PRIMPOL: variants seen among roughly 807,000 people sequenced by gnomAD.
The protein encoded by PRIMPOL is primase and DNA directed polymerase.
In PRIMPOL, 54 loss-of-function variants were observed where a neutral mutation model predicts 63.6. That is an observed-to-expected ratio of 0.85 (90% confidence interval 0.68 to 1.07). The LOEUF is 1.07. Among genes scored for constraint, PRIMPOL ranks in the 50% least tolerant of loss-of-function variants. The pLI is 0.00. For synonymous variants in PRIMPOL, 197 were observed against 220.2 expected, an observed-to-expected ratio of 0.89 and a Z score of 0.93; for missense variants, 610 against 648.3, an observed-to-expected ratio of 0.94 and a Z score of 0.64.
rs73873019 is a variant in PRIMPOL, at chr4:184,656,029, G to A, written c.-59-1053G>A. ...CTCTGGGACTCAGGCTTACTAATGC[G>A]TTGAATTCAGATGACGGCTGGATGT... On this transcript the variant is annotated intron_variant, in intron 2 of 13. Transcript: ENST00000314970. 5.6e-3 allele frequency among the ~76,000 whole-genome samples: 857 copies of A among 152,278 alleles called. 7 individuals carry two copies. The highest frequency in any genetic ancestry group is 0.02 in the African/African-American group (821 of 41,548).
At chr4:184,688,548 C>G (rs944196666) in intron 11 of PRIMPOL, among the ~76,000 whole-genome samples, 2 of 152,226 alleles carry the variant, frequency 1.3e-5, no homozygotes, top group Admixed American at 6.5e-5. Flanking sequence ...CCCGGGGCAT[C>G]TGGCCCGGCT....
At chr4:184,653,043 A>G (rs1366002720) in intron 2 of PRIMPOL, among the ~76,000 whole-genome samples, 1 of 952 alleles carries the variant, frequency 1.1e-3, no homozygotes, top group African/African-American at 1.1e-3. Flanking sequence ...GGGAGGGAGG[A>G]AGGAAGGAAG....
At chr4:184,674,539 C>G (rs1485434855) in intron 7 of PRIMPOL, among the ~76,000 whole-genome samples, 1 of 152,134 alleles carries the variant, frequency 6.6e-6, no homozygotes, top group Non-Finnish European at 1.5e-5. Context: ...ACAGTTGACT[C>G]TTCAACAATG....
chr4:184,659,784 T>A (rs1747751164), intron 4 of PRIMPOL, among the ~76,000 whole-genome samples: 1 of 152,210 alleles, frequency 6.6e-6, no homozygotes, highest in Non-Finnish European at 1.5e-5. Context: ...GACTTTATTA[T>A]TACTATTTTA....
At position 184,672,256 on chromosome 4, in the gene PRIMPOL, C is replaced by G. The variant is rs1751991750; in HGVS notation, c.640C>G (p.His214Asp). Residue 214 changes from histidine to aspartate, a missense_variant, in exon 7 of 14, where the codon CAT (histidine) becomes GAT (aspartate). His to Asp is a moderately conservative substitution (Grantham distance 81, BLOSUM62 -1). Coordinates refer to ENST00000314970, the MANE Select transcript of PRIMPOL (RefSeq NM_152683.4). Reference protein sequence around the residue: ...DDDSAPETTGHGFPHFSEAPA... With the variant: ...DDDSAPETTGDGFPHFSEAPA... ...TGATAGCGCTCCAGAGACAACAGGC[C>G]ATGGATTTCCCCATTTTTCAGAAGC... 2 of 1,613,864 alleles carry G rather than the reference C, an allele frequency of 1.2e-6. No individual in the cohort carries two copies. Among genetic ancestry groups the G allele is most frequent in the Admixed American group, 1.7e-5 (1 of 59,992 alleles).
At chr4:184,663,042 A>ATTG (rs1748840035) in intron 5 of PRIMPOL, among the ~76,000 whole-genome samples, 2 of 146,300 alleles carry the variant, frequency 1.4e-5, no homozygotes, top group Admixed American at 1.4e-4. Context: ...TATTATTATT[A>ATTG]TTATTATTAT....
chr4:184,667,499 G>A (rs181820688), intron 6 of PRIMPOL, among the ~76,000 whole-genome samples: 3,739 of 152,102 alleles, frequency 0.025, 71 homozygotes, highest in South Asian at 0.043. Flanking sequence ...TTTAGTAGAG[G>A]CGGAGTTTCA....
chr4:184,652,406 GAAA>G (rs11307336), intron 2 of PRIMPOL, among the ~76,000 whole-genome samples: 4 of 148,742 alleles, frequency 2.7e-5, no homozygotes, highest in Admixed American at 6.7e-5. Flanking sequence ...GGAGGAACTG[GAAA>G]AAAAAAAAGC....
intron 2 of PRIMPOL, among the ~76,000 whole-genome samples, chr4:184,655,815 G>A (rs1033433672): frequency 1.1e-4 from 17 of 152,098 alleles, no homozygotes; most frequent in African/African-American, 3.4e-4. Context: ...CTTCAAAAAA[G>A]CCCCAATATA....
At chr4:184,691,634 T>C in intron 12 of PRIMPOL, 32 bp from the exon 13 acceptor site, 1 of 1,603,616 alleles carries the variant, frequency 6.2e-7, no homozygotes, top group South Asian at 1.1e-5. Context: ...ATAACTGTAA[T>C]ATGTAATAGT....
chr4:184,658,379 G>A (rs1747208265), intron 3 of PRIMPOL, among the ~76,000 whole-genome samples: 1 of 152,180 alleles, frequency 6.6e-6, no homozygotes, highest in Non-Finnish European at 1.5e-5. Flanking sequence ...GGGTATGCTT[G>A]TTGGACTTGC....
chr4:184,661,712 C>A, intron 4 of PRIMPOL, 62 bp from the exon 5 acceptor site: 2 of 1,112,138 alleles, frequency 1.8e-6, no homozygotes, highest in Non-Finnish European at 2.6e-6. Flanking sequence ...CTCAGTCAGT[C>A]AATCAATCAA....
intron 6 of PRIMPOL, 40 bp from the exon 7 acceptor site, chr4:184,672,133 G>A (rs753511492): frequency 1.3e-6 from 2 of 1,533,480 alleles, no homozygotes; most frequent in Admixed American, 1.8e-5. Context: ...TGCGGTGTGT[G>A]GAGAAGATCC....
rs564856228 is a variant in PRIMPOL at position 184,694,618 on chromosome 4, T to G, written c.1522T>G (p.Ser508Ala). Residue 508 changes from serine (S) to alanine (A), a missense_variant, in exon 14 of 14, where the codon TCT becomes GCT. By Grantham distance (99) the Ser-to-Ala change is moderately conservative. Coordinates refer to ENST00000314970, the MANE Select transcript of PRIMPOL (RefSeq NM_152683.4). ...PSPSRLSTGA[S>A]ADAVWDNGID... ...ACCTAGCAGGCTGTCAACAGGTGCA[T>G]CTGCTGATGCTGTCTGGGATAATGG... 2 of 1,614,126 alleles carry G rather than the reference T, an allele frequency of 1.2e-6. No homozygotes were observed. Among genetic ancestry groups the G allele is most frequent in the South Asian group, 2.2e-5 (2 of 91,086 alleles).
chr4:184,665,490 A>G (rs1456379747), intron 5 of PRIMPOL, among the ~76,000 whole-genome samples: 2 of 151,152 alleles, frequency 1.3e-5, no homozygotes, highest in African/African-American at 2.4e-5. Context: ...ATTAAAAAAA[A>G]TGAATTAATG....
At chr4:184,671,391 T>C (rs1751573822) in intron 6 of PRIMPOL, among the ~76,000 whole-genome samples, 1 of 152,200 alleles carries the variant, frequency 6.6e-6, no homozygotes, top group South Asian at 2.1e-4. Context: ...TCCTCAGTGC[T>C]TCTGTCTGTT....
intron 6 of PRIMPOL, among the ~76,000 whole-genome samples, chr4:184,669,425 A>C: frequency 6.6e-6 from 1 of 152,150 alleles, no homozygotes; most frequent in East Asian, 1.9e-4. Flanking sequence ...CTTCCAAATG[A>C]AGCGTGAATA....
chr4:184,657,121 C>A lies in PRIMPOL; in HGVS notation c.-20C>A. 1 of 1,538,012 alleles carries A rather than the reference C, an allele frequency of 6.5e-7. No individual in the cohort carries two copies. The highest frequency in any genetic ancestry group is 8.8e-7 in the Non-Finnish European group (1 of 1,141,386). ...AATATTACGTGGGATAGGATTTATT[C>A]TCTCCACACTTCTGAACCAATGAAT... is the stretch of plus-strand genomic sequence containing the variant. On this transcript the variant is annotated 5_prime_UTR_variant, in exon 3 of 14. Coordinates refer to ENST00000314970, the MANE Select transcript of PRIMPOL (RefSeq NM_152683.4).
At chr4:184,673,044 C>T (rs1417641826) in intron 7 of PRIMPOL, among the ~76,000 whole-genome samples, 2 of 152,094 alleles carry the variant, frequency 1.3e-5, no homozygotes, top group African/African-American at 4.8e-5. Context: ...CCTAACACAA[C>T]AGCTCCCATT....
Sources: gnomAD v4.1 joint callset for allele counts (sites outside exome capture counted in the v4.1 genomes callset) on GRCh38, gnomAD v4.1.1 for gene constraint, MANE v1.5 for transcripts, NCBI Gene and HGNC (gene_info 2026-07-23, HGNC 2026-07-21) for gene names.